SCN8A: variants seen among roughly 807,000 people sequenced by gnomAD.
SCN8A encodes the protein sodium channel protein type 8 subunit alpha.
SCN8A carries 30 observed loss-of-function variants against 184.1 expected under a neutral mutation model. That is an observed-to-expected ratio of 0.16 (90% confidence interval 0.12 to 0.22). The LOEUF (loss-of-function observed/expected upper bound fraction) is 0.22, where lower values mean the gene tolerates loss of function less well. Ranked by LOEUF, SCN8A falls within the 10% of genes least tolerant of loss-of-function variation. The probability of loss-of-function intolerance (pLI) is 1.00; values close to 1 mark genes in which losing one functional copy is unlikely to be tolerated. For synonymous variants in SCN8A, 852 were observed against 907.0 expected (o/e 0.94, Z 1.09); for missense variants, 1,057 against 2,498.9 (o/e 0.42, Z 12.30).
intron 6 of SCN8A, among the ~76,000 whole-genome samples, chr12:51,698,525 A>G (rs1436276763): frequency 6.6e-6 from 1 of 152,148 alleles, no homozygotes. Context: ...GGATAGCCTG[A>G]TATCTGGGCA....
At chr12:51,678,799 T>C (rs1466354349) in intron 2 of SCN8A, among the ~76,000 whole-genome samples, 1 of 152,176 alleles carries the variant, frequency 6.6e-6, no homozygotes, top group Non-Finnish European at 1.5e-5. Context: ...CAGCCTAGGC[T>C]GGGCATGGTG....
At chr12:51,658,359 T>A (rs1266798534) in intron 1 of SCN8A, among the ~76,000 whole-genome samples, 3 of 152,124 alleles carry the variant, frequency 2.0e-5, no homozygotes, top group Non-Finnish European at 2.9e-5. Flanking sequence ...GGTCTTACTA[T>A]TTTTTTGGTG....
At chr12:51,799,890 C>G (rs1398201642) in intron 26 of SCN8A, among the ~76,000 whole-genome samples, 1 of 152,190 alleles carries the variant, frequency 6.6e-6, no homozygotes, top group Non-Finnish European at 1.5e-5. Context: ...AGAAATTTCA[C>G]TGAGGTAGAA....
chr12:51,737,998 C>A (rs373531519), intron 12 of SCN8A, among the ~76,000 whole-genome samples: 35 of 152,268 alleles, frequency 2.3e-4, no homozygotes, highest in African/African-American at 8.2e-4. Context: ...CTTTACTTAG[C>A]GGCCATTGTT....
chr12:51,765,061 C>T lies in SCN8A; in HGVS notation c.2545-610C>T, dbSNP rs76102227. ...AAATGCTAGGATTACAGGCATGAGC[C>T]ACTGCACCTGGCCAGTATAGGCTCT... On this transcript the variant is annotated intron_variant, in intron 15 of 26. Coordinates refer to ENST00000627620, the MANE Select transcript of SCN8A (RefSeq NM_001330260.2). 6.9e-3 allele frequency among the ~76,000 whole-genome samples: 1,050 copies of T among 152,210 alleles called. 10 individuals carry two copies. Among genetic ancestry groups the T allele is most frequent in the African/African-American group, 0.023 (959 of 41,532 alleles).
intron 20 of SCN8A, among the ~76,000 whole-genome samples, chr12:51,777,640 C>T (rs1937747596): frequency 6.6e-6 from 1 of 152,156 alleles, no homozygotes; most frequent in Non-Finnish European, 1.5e-5. Flanking sequence ...CCAGATTAAT[C>T]AGCTGAGTAA....
intron 20 of SCN8A, among the ~76,000 whole-genome samples, chr12:51,776,613 G>A (rs1434824090): frequency 1.3e-5 from 2 of 152,214 alleles, no homozygotes; most frequent in Non-Finnish European, 2.9e-5. Flanking sequence ...TAGGTGGGGG[G>A]ACATTCCCAG....
chr12:51,767,222 T>C (rs1200153438), intron 16 of SCN8A, among the ~76,000 whole-genome samples: 1 of 152,194 alleles, frequency 6.6e-6, no homozygotes, highest in Non-Finnish European at 1.5e-5. Context: ...ATCAACATTT[T>C]CAAGCCCTGA....
At chr12:51,702,120 G>C (rs768918613) in intron 8 of SCN8A, among the ~76,000 whole-genome samples, 1 of 151,826 alleles carries the variant, frequency 6.6e-6, no homozygotes, top group Non-Finnish European at 1.5e-5. Flanking sequence ...TCAGGAGTTC[G>C]AGACCAGCCA....
At position 51,790,478 on chromosome 12, in the gene SCN8A, A is replaced by G; in HGVS notation, c.4500A>G (p.Pro1500=). ...NAMKKLGSKK[P]QKPIPRPLNK... ...TGAAAAAGCTGGGCTCAAAGAAGCC[A>G]CAGAAACCTATTCCCCGCCCCTTGG... Residue 1500 remains proline (P), a synonymous_variant, in exon 25 of 27, where the codon CCA becomes CCG. Coordinates refer to ENST00000627620, the MANE Select transcript of SCN8A (RefSeq NM_001330260.2). 6.2e-7 allele frequency: 1 copy of G among 1,610,806 alleles called. No homozygotes were observed. Among genetic ancestry groups the G allele is most frequent in the Non-Finnish European group, 8.5e-7 (1 of 1,178,354 alleles).
chr12:51,798,238 A>G (rs1316113874), intron 26 of SCN8A, among the ~76,000 whole-genome samples: 2 of 152,182 alleles, frequency 1.3e-5, no homozygotes, highest in Non-Finnish European at 2.9e-5. Context: ...GCATGAACCC[A>G]CTGCCGCACT....
At chr12:51,642,884 G>T (rs549080466) in intron 1 of SCN8A, among the ~76,000 whole-genome samples, 1 of 151,932 alleles carries the variant, frequency 6.6e-6, no homozygotes, top group Admixed American at 6.6e-5. Flanking sequence ...CCATTTAGTG[G>T]GTCTGCTCTT....
intron 21 of SCN8A, among the ~76,000 whole-genome samples, chr12:51,784,688 C>A: frequency 6.6e-6 from 1 of 152,112 alleles, no homozygotes; most frequent in Non-Finnish European, 1.5e-5. Flanking sequence ...TATATTGATT[C>A]ATTTGATCAA....
chr12:51,600,281 A>G (rs1034176104), intron 1 of SCN8A, among the ~76,000 whole-genome samples: 45 of 152,228 alleles, frequency 3.0e-4, no homozygotes, highest in African/African-American at 9.6e-4. Context: ...TTTGGAGGAT[A>G]AAGGAACAAG....
At chr12:51,653,365 T>C (rs1402842321) in intron 1 of SCN8A, among the ~76,000 whole-genome samples, 3 of 152,206 alleles carry the variant, frequency 2.0e-5, no homozygotes, top group African/African-American at 4.8e-5. Context: ...TTACCCCTAT[T>C]CTGCTTTCTG....
chr12:51,617,615 T>G (rs1411605563), intron 1 of SCN8A, among the ~76,000 whole-genome samples: 1 of 152,214 alleles, frequency 6.6e-6, no homozygotes, highest in Non-Finnish European at 1.5e-5. Context: ...TCTTTTTCCT[T>G]GTGAGATGTT....
intron 2 of SCN8A, among the ~76,000 whole-genome samples, chr12:51,681,728 G>A (rs1941337268): frequency 6.6e-6 from 1 of 152,250 alleles, no homozygotes. Context: ...GTGGGCGTTT[G>A]TAGAATGAAT....
At chr12:51,712,835 C>T (rs1941902605) in intron 11 of SCN8A, 2 of 1,282,216 alleles carry the variant, frequency 1.6e-6, no homozygotes, top group South Asian at 2.4e-5. Context: ...CCATAACTAC[C>T]TCTGCTGCCA....
intron 22 of SCN8A, among the ~76,000 whole-genome samples, chr12:51,787,707 A>G (rs978908392): frequency 6.6e-6 from 1 of 152,244 alleles, no homozygotes; most frequent in Non-Finnish European, 1.5e-5. Flanking sequence ...CCATGCCTAT[A>G]TCATACAGTT....
Sources: allele counts gnomAD v4.1 joint callset (sites outside exome capture counted in the v4.1 genomes callset), GRCh38; gene constraint gnomAD v4.1.1; transcripts MANE v1.5; gene names NCBI Gene and HGNC (gene_info 2026-07-23, HGNC 2026-07-21).